Variants in USP46 observed in about 807,000 individuals in gnomAD.
USP46 encodes the protein ubiquitin carboxyl-terminal hydrolase 46.
A neutral mutation model predicts 44.4 loss-of-function variants in USP46; 12 were observed. That is an observed-to-expected ratio of 0.27 (90% confidence interval 0.17 to 0.44). The LOEUF (loss-of-function observed/expected upper bound fraction) is 0.44. Among genes scored for constraint, USP46 ranks in the 20% least tolerant of loss-of-function variants. The pLI, the probability that USP46 is intolerant of heterozygous loss-of-function variation, is 1.00. For missense variants in USP46, 248 were observed against 444.8 expected, an observed-to-expected ratio of 0.56 and a Z score of 3.98; for synonymous variants, 155 against 161.5, an observed-to-expected ratio of 0.96 and a Z score of 0.31.
intron 1 of USP46, among the ~76,000 whole-genome samples, chr4:52,635,365 G>A (rs114020522): frequency 0.012 from 1,790 of 152,260 alleles, 27 homozygotes; most frequent in East Asian, 0.05. Flanking sequence ...TGGAAAAAAA[G>A]GTCAAACAAC....
At chr4:52,636,475 A>G (rs1421096466) in intron 1 of USP46, among the ~76,000 whole-genome samples, 2 of 152,082 alleles carry the variant, frequency 1.3e-5, no homozygotes, top group Non-Finnish European at 2.9e-5. Flanking sequence ...TGGGAGGCCA[A>G]GGCAGGCAGA....
intron 5 of USP46, among the ~76,000 whole-genome samples, chr4:52,609,894 A>ATTTC (rs1560394490): frequency 2.4e-4 from 5 of 20,694 alleles, no homozygotes; most frequent in Non-Finnish European, 4.6e-4. Context: ...CCTCAATTCT[A>ATTTC]TTTCTTTTTT....
intron 6 of USP46, among the ~76,000 whole-genome samples, chr4:52,602,395 G>A (rs1299059238): frequency 6.6e-6 from 1 of 152,198 alleles, no homozygotes; most frequent in East Asian, 1.9e-4. Flanking sequence ...TACCCCCTGA[G>A]ATGATGGAGA....
At position 52,659,168 on chromosome 4, in the gene USP46, C is replaced by T; in HGVS notation, c.-18G>A. On this transcript the variant is annotated 5_prime_UTR_variant, in exon 1 of 9. Coordinates refer to ENST00000441222, the MANE Select transcript of USP46 (RefSeq NM_022832.4). The surrounding 1 kb of genome is among the most constrained non-coding windows in gnomAD (Gnocchi z 4.2). ...ACAGTCATTAGTCTAAAGGTTGCAG[C>T]GATCCCTCACCGCCATCTTTACAAG... The T allele has an allele frequency of 6.4e-7, 1 of 1,550,584 alleles. No individual in the cohort carries two copies. Among genetic ancestry groups the T allele is most frequent in the Non-Finnish European group, 8.7e-7 (1 of 1,148,832 alleles).
intron 4 of USP46, among the ~76,000 whole-genome samples, chr4:52,623,863 C>T (rs375109837): frequency 6.6e-6 from 1 of 151,752 alleles, no homozygotes; most frequent in East Asian, 1.9e-4. Flanking sequence ...GAGGTTGGAG[C>T]GAGCTGAGAT....
At position 52,591,477 on chromosome 4, in the gene USP46, A is replaced by G. The variant is rs1716009854; in HGVS notation, c.*6163T>C. On this transcript the variant is annotated 3_prime_UTR_variant, in exon 9 of 9. Coordinates refer to ENST00000441222, the MANE Select transcript of USP46 (RefSeq NM_022832.4). The stretch of plus-strand genomic sequence containing the variant: ...AGAATTCCACACTGCCTTAAGCACA[A>G]CCTCACTCTTTCTCTCACTCTTGGG... 6.6e-6 allele frequency: 1 copy of G among 152,192 alleles called. No individual in the cohort carries two copies. The highest frequency in any genetic ancestry group is 1.5e-5 in the Non-Finnish European group (1 of 68,042). The allele number at this position is 152,192 out of a possible 1,614,324, so 9.4% of individuals were successfully genotyped here.
At chr4:52,602,582 T>C (rs550541976) in intron 6 of USP46, among the ~76,000 whole-genome samples, 5 of 152,304 alleles carry the variant, frequency 3.3e-5, no homozygotes, top group East Asian at 1.9e-4. Flanking sequence ...CTTGTGATCT[T>C]GGGCAAGTCA....
rs76820993 is a variant in USP46 at position 52,607,296 on chromosome 4, C to T, written c.639-2712G>A. On this transcript the variant is annotated intron_variant, in intron 5 of 8. Coordinates refer to ENST00000441222, the MANE Select transcript of USP46 (RefSeq NM_022832.4). ...AAAATGAAGGTAAGTTAGGAGAAGG[C>T]GAGGACCCCAGCAGTAAATGCTGAG... Among the ~76,000 whole-genome samples the T allele has an allele frequency of 1.6e-3, 243 of 152,236 alleles. 1 individual carries two copies. Among genetic ancestry groups the T allele is most frequent in the African/African-American group, 5.4e-3 (226 of 41,558 alleles).
chr4:52,607,527 A>T (rs1332343698), intron 5 of USP46, among the ~76,000 whole-genome samples: 3 of 152,202 alleles, frequency 2.0e-5, no homozygotes, highest in Admixed American at 2.0e-4. Flanking sequence ...GCAATAAAAC[A>T]TTACTTAAAA....
intron 4 of USP46, among the ~76,000 whole-genome samples, chr4:52,620,513 C>G (rs568095692): frequency 6.6e-6 from 1 of 152,156 alleles, no homozygotes; most frequent in African/African-American, 2.4e-5. Flanking sequence ...TCTCACTGTA[C>G]GCTCAGTGCT....
intron 4 of USP46, 124 bp from the exon 5 acceptor site, chr4:52,610,741 A>G (rs1716907248): frequency 1.2e-6 from 1 of 807,922 alleles, no homozygotes; most frequent in Non-Finnish European, 2.0e-6. Flanking sequence ...CTGCATGGAC[A>G]TGTATACTCA....
intron 1 of USP46, among the ~76,000 whole-genome samples, chr4:52,640,454 T>A (rs1718290901): frequency 6.6e-6 from 1 of 152,168 alleles, no homozygotes; most frequent in African/African-American, 2.4e-5. Flanking sequence ...GGTCAAGAAG[T>A]GGCTTTTCTT....
Position 52,596,893 on chromosome 4 carries a change from T to C in USP46, c.*747A>G, listed in dbSNP as rs1016497804. The C allele has an allele frequency of 6.6e-6, 1 of 152,656 alleles. No individual in the cohort carries two copies. The highest frequency in any genetic ancestry group is 6.5e-5 in the Admixed American group (1 of 15,290). The allele number at this position is 152,656 out of a possible 1,614,324, so 9.5% of individuals were successfully genotyped here. A position where few individuals can be genotyped will look rare whatever the true frequency, so the allele number is the denominator to read the frequency against. ...AATAAACAACATAGAGTTATTTTCC[T>C]GAAACTTGGTTTTGGTAGAAAGGTA... is the stretch of plus-strand genomic sequence containing the variant. On this transcript the variant is annotated 3_prime_UTR_variant, in exon 9 of 9. Coordinates refer to ENST00000441222, the MANE Select transcript of USP46 (RefSeq NM_022832.4).
At chr4:52,629,621 C>T (rs1192450301) in intron 2 of USP46, 1 of 456,134 alleles carries the variant, frequency 2.2e-6, no homozygotes, top group East Asian at 6.9e-5. Context: ...TCCTCTCTTA[C>T]TCAGTATCTC....
At chr4:52,621,662 A>AT (rs373404987) in intron 4 of USP46, among the ~76,000 whole-genome samples, 123 of 152,050 alleles carry the variant, frequency 8.1e-4, no homozygotes, top group Non-Finnish European at 9.4e-4. Context: ...TCTCACACAC[A>AT]TAAAAAAAAA....
At chr4:52,609,957 G>A (rs1393924797) in intron 5 of USP46, among the ~76,000 whole-genome samples, 4 of 90,302 alleles carry the variant, frequency 4.4e-5, no homozygotes, top group African/African-American at 8.6e-5. Context: ...GCGGAGTTTC[G>A]CTCTGTCGCC....
Position 52,595,763 on chromosome 4 carries a change from T to C in USP46, c.*1877A>G, listed in dbSNP as rs2109586469. The C allele has an allele frequency of 6.6e-6, 1 of 152,178 alleles. No individual in the cohort carries two copies. The highest frequency in any genetic ancestry group is 1.9e-4 in the East Asian group (1 of 5,198). The allele number at this position is 152,178 out of a possible 1,614,324, so 9.4% of individuals were successfully genotyped here. ...ATATATTAGAGACCAACCATCATGT[T>C]CTTAAAACTTTGTAACTTGCAGTCA... On this transcript the variant is annotated 3_prime_UTR_variant, in exon 9 of 9. Transcript: ENST00000441222.
rs1716081001 is a variant in USP46, at chr4:52,592,922, T to C, written c.*4718A>G. The C allele has an allele frequency of 2.5e-6, 1 of 398,406 alleles. No homozygotes were observed. Among genetic ancestry groups the C allele is most frequent in the African/African-American group, 2.1e-5 (1 of 48,568 alleles). 24.7% of individuals were successfully genotyped at this position (398,406 alleles called of 1,614,324 possible). ...CCTGCCATGTAAGATGGGCTTGCTT[T>C]CCCTTTGCCTTCTGCTGATTGTAAG... On this transcript the variant is annotated 3_prime_UTR_variant, in exon 9 of 9. Transcript: ENST00000441222.
At chr4:52,628,628 C>T (rs559786556) in intron 2 of USP46, among the ~76,000 whole-genome samples, 2 of 152,334 alleles carry the variant, frequency 1.3e-5, no homozygotes, top group African/African-American at 2.4e-5. Context: ...ACTTGCTCGG[C>T]TGAAACAGCC....
Sources: gnomAD v4.1 joint callset for allele counts (sites outside exome capture counted in the v4.1 genomes callset) on GRCh38, gnomAD v4.1.1 for gene constraint, Gnocchi (gnomAD v3.1) non-coding constraint, MANE v1.5 for transcripts, NCBI Gene and HGNC (gene_info 2026-07-23, HGNC 2026-07-21) for gene names.